NALCN: variants seen among roughly 807,000 people sequenced by gnomAD.
NALCN encodes sodium leak channel, non-selective.
A neutral mutation model predicts 225.3 loss-of-function variants in NALCN; 111 were observed. That is an observed-to-expected ratio of 0.49 (90% CI 0.42 to 0.58). The LOEUF (loss-of-function observed/expected upper bound fraction) is 0.58. NALCN is among the 20% of genes least tolerant of loss of function. The pLI, the probability that NALCN is intolerant of heterozygous loss-of-function variation, is 0.00. For synonymous variants in NALCN, 764 were observed against 769.0 expected, an observed-to-expected ratio of 0.99 and a Z score of 0.11; for missense variants, 1,378 against 2,202.4, an observed-to-expected ratio of 0.63 and a Z score of 7.49.
At chr13:101,400,578 TGTGCAC>T (rs938960539) in intron 1 of NALCN, among the ~76,000 whole-genome samples, 1 of 114,928 alleles carries the variant, frequency 8.7e-6, no homozygotes, top group Admixed American at 8.4e-5. Flanking sequence ...TGTGTGTGTG[TGTGCAC>T]GTGTGTGCGC....
chr13:101,181,997 G>A (rs985974341), intron 14 of NALCN, among the ~76,000 whole-genome samples: 9 of 151,936 alleles, frequency 5.9e-5, no homozygotes, highest in Admixed American at 2.6e-4. Context: ...AGCCGGGCGT[G>A]GTGGCGGGTG....
At chr13:101,250,473 G>A (rs534263256) in intron 11 of NALCN, among the ~76,000 whole-genome samples, 1 of 152,126 alleles carries the variant, frequency 6.6e-6, no homozygotes, top group Admixed American at 6.5e-5. Context: ...GTGCACATGT[G>A]TAAACCTGAT....
chr13:101,256,910 C>T (rs1203670631), intron 11 of NALCN, among the ~76,000 whole-genome samples: 3 of 151,870 alleles, frequency 2.0e-5, no homozygotes, highest in Non-Finnish European at 4.4e-5. Flanking sequence ...ATTACAGGTG[C>T]CCGACACTAC....
At chr13:101,371,353 C>T (rs767271528) in intron 6 of NALCN, among the ~76,000 whole-genome samples, 2 of 152,080 alleles carry the variant, frequency 1.3e-5, no homozygotes, top group Non-Finnish European at 2.9e-5. Context: ...GGGTCTCACT[C>T]TATCACCCAG....
chr13:101,361,533 T>C (rs1354897615), intron 6 of NALCN, among the ~76,000 whole-genome samples: 1 of 152,186 alleles, frequency 6.6e-6, no homozygotes, highest in Non-Finnish European at 1.5e-5. Context: ...GGTTATCTCA[T>C]ACACTGAACA....
intron 11 of NALCN, among the ~76,000 whole-genome samples, chr13:101,249,240 C>A (rs1006726621): frequency 6.6e-6 from 1 of 152,066 alleles, no homozygotes; most frequent in African/African-American, 2.4e-5. Flanking sequence ...AAATAGCAAG[C>A]AATAAACCAT....
intron 37 of NALCN, among the ~76,000 whole-genome samples, chr13:101,072,884 G>A (rs2032992496): frequency 2.0e-5 from 3 of 152,202 alleles, no homozygotes; most frequent in Non-Finnish European, 4.4e-5. Flanking sequence ...ATGGCTAGTG[G>A]CTCCCGAATT....
At chr13:101,269,717 C>T (rs2042713789) in intron 10 of NALCN, among the ~76,000 whole-genome samples, 1 of 152,142 alleles carries the variant, frequency 6.6e-6, no homozygotes, top group Admixed American at 6.5e-5. Context: ...CAAGAAGACC[C>T]AGGGTGATGG....
chr13:101,080,052 T>C (rs977634197), intron 34 of NALCN, among the ~76,000 whole-genome samples: 14 of 152,240 alleles, frequency 9.2e-5, no homozygotes, highest in African/African-American at 3.1e-4. Flanking sequence ...CAGGCTTGTA[T>C]AATCTTTCTA....
At chr13:101,363,380 A>G (rs1262954517) in intron 6 of NALCN, among the ~76,000 whole-genome samples, 1 of 152,106 alleles carries the variant, frequency 6.6e-6, no homozygotes, top group Non-Finnish European at 1.5e-5. Flanking sequence ...GGTACTGGTA[A>G]AAAAACAGAA....
chr13:101,167,509 A>C (rs1415720632), intron 15 of NALCN, among the ~76,000 whole-genome samples: 1 of 152,116 alleles, frequency 6.6e-6, no homozygotes, highest in Non-Finnish European at 1.5e-5. Context: ...GAGCATACTG[A>C]GCGTGTATCT....
At chr13:101,194,447 A>T (rs1409943815) in intron 13 of NALCN, among the ~76,000 whole-genome samples, 1 of 152,182 alleles carries the variant, frequency 6.6e-6, no homozygotes, top group Admixed American at 6.5e-5. Flanking sequence ...GTCTTGCTTG[A>T]AGGGTGCCTT....
chr13:101,303,319 G>T (rs2044038070), intron 7 of NALCN, among the ~76,000 whole-genome samples: 1 of 152,104 alleles, frequency 6.6e-6, no homozygotes, highest in Non-Finnish European at 1.5e-5. Flanking sequence ...GCTTACATGT[G>T]GTCTAGTCTG....
At chr13:101,176,240 C>G in intron 15 of NALCN, 60 bp downstream of exon 15, 1 of 1,293,096 alleles carries the variant, frequency 7.7e-7, no homozygotes. Flanking sequence ...TGCCTATAAG[C>G]AAATGGTTTG....
intron 17 of NALCN, among the ~76,000 whole-genome samples, chr13:101,134,311 T>C (rs1331139059): frequency 6.6e-6 from 1 of 152,254 alleles, no homozygotes; most frequent in Non-Finnish European, 1.5e-5. Context: ...ATGCCATGCA[T>C]ACACCAAATC....
At chr13:101,310,572 T>G (rs2044305742) in intron 7 of NALCN, among the ~76,000 whole-genome samples, 1 of 152,118 alleles carries the variant, frequency 6.6e-6, no homozygotes, top group African/African-American at 2.4e-5. Context: ...TTTGTCTGCT[T>G]TCCTTTTCTC....
intron 12 of NALCN, among the ~76,000 whole-genome samples, chr13:101,230,588 C>T (rs74120422): frequency 0.017 from 2,624 of 152,216 alleles, 86 homozygotes; most frequent in African/African-American, 0.06. Context: ...TTTTAAAATA[C>T]CTTTCTCTTG....
At position 101,055,316 on chromosome 13, in the gene NALCN, C is replaced by T. The variant is rs759241098; in HGVS notation, c.5196G>A (p.Gly1732=). 1.2e-6 allele frequency: 2 copies of T among 1,613,274 alleles called. No homozygotes were observed. Among genetic ancestry groups the T allele is most frequent in the Admixed American group, 3.3e-5 (2 of 59,888 alleles). Residue 1732 remains glycine, a synonymous_variant, in exon 44 of 44, where the codon GGG becomes GGA. Transcript: ENST00000251127. ...CCACCTAAATATCCAGAAGGTCATC[C>T]CCACTTTCGTCGCTCTCCACAGTCA... The part of the protein sequence containing the change: ...RQLTVESDES[G]DDLLDI
chr13:101,376,090 G>A (rs1377867883), intron 6 of NALCN, among the ~76,000 whole-genome samples: 2 of 152,082 alleles, frequency 1.3e-5, no homozygotes, highest in African/African-American at 4.8e-5. Context: ...TAGAAATGAT[G>A]TTATAATCAT....
Sources: allele counts gnomAD v4.1 joint callset (sites outside exome capture counted in the v4.1 genomes callset), GRCh38; gene constraint gnomAD v4.1.1; transcripts MANE v1.5; gene names NCBI Gene and HGNC (gene_info 2026-07-23, HGNC 2026-07-21).